Variants in TTLL5 observed in about 807,000 individuals in gnomAD.
TTLL5 encodes the protein tubulin polyglutamylase TTLL5.
Under a neutral mutation model 168.4 loss-of-function variants are expected in TTLL5, and 132 were observed. The observed-to-expected ratio is 0.78, with a 90% CI of 0.68 to 0.91. The LOEUF (loss-of-function observed/expected upper bound fraction) is 0.91, where lower values mean the gene tolerates loss of function less well. TTLL5 is among the 40% of genes least tolerant of loss of function. The pLI, the probability that TTLL5 is intolerant of heterozygous loss-of-function variation, is 0.00. For synonymous variants in TTLL5, 546 were observed against 558.6 expected (o/e 0.98, Z 0.32); for missense variants, 1,545 against 1,581.5 (o/e 0.98, Z 0.39).
intron 28 of TTLL5, among the ~76,000 whole-genome samples, chr14:75,855,575 C>T (rs2139908867): frequency 6.6e-6 from 1 of 152,314 alleles, no homozygotes; most frequent in African/African-American, 2.4e-5. Context: ...AGGATAACCA[C>T]ATCTGCTGTA....
intron 17 of TTLL5, among the ~76,000 whole-genome samples, chr14:75,750,585 A>T (rs1180418129): frequency 5.3e-5 from 8 of 151,944 alleles, no homozygotes; most frequent in African/African-American, 1.9e-4. Context: ...GTGTTAATCC[A>T]CTTTTTGTGT....
intron 3 of TTLL5, among the ~76,000 whole-genome samples, chr14:75,680,615 ATTTTTTTTT>A (rs35254410): frequency 0.018 from 1,837 of 102,016 alleles, 19 homozygotes; most frequent in South Asian, 0.046. Context: ...TAGAGCAGGG[ATTTTTTTTT>A]TTTTTTTTTT....
At chr14:75,848,281 T>C (rs1896662789) in intron 28 of TTLL5, among the ~76,000 whole-genome samples, 1 of 152,038 alleles carries the variant, frequency 6.6e-6, no homozygotes, top group African/African-American at 2.4e-5. Context: ...AAGCTGTTTA[T>C]GTGCACTAGG....
At chr14:75,669,823 A>G (rs1266502725) in intron 3 of TTLL5, among the ~76,000 whole-genome samples, 1 of 152,110 alleles carries the variant, frequency 6.6e-6, no homozygotes, top group African/African-American at 2.4e-5. Context: ...TAGTACATTC[A>G]CAATGTTGTG....
At chr14:75,753,017 C>A in intron 18 of TTLL5, 62 bp downstream of exon 18, 1 of 1,501,482 alleles carries the variant, frequency 6.7e-7, no homozygotes, top group Non-Finnish European at 9.2e-7. Context: ...AAGTACATGT[C>A]AAAGAAGGAA....
chr14:75,675,907 C>T (rs1353610570), intron 3 of TTLL5, among the ~76,000 whole-genome samples: 1 of 152,020 alleles, frequency 6.6e-6, no homozygotes, highest in African/African-American at 2.4e-5. Flanking sequence ...CTAAAAAGTC[C>T]CATTATCTAC....
intron 26 of TTLL5, among the ~76,000 whole-genome samples, chr14:75,790,052 T>C (rs1426944978): frequency 2.0e-5 from 3 of 152,078 alleles, no homozygotes; most frequent in Admixed American, 6.5e-5. Context: ...CACAAGAAGA[T>C]GGAAATTTCA....
chr14:75,806,589 G>A (rs1041148318), intron 27 of TTLL5, among the ~76,000 whole-genome samples: 5 of 152,280 alleles, frequency 3.3e-5, no homozygotes, highest in African/African-American at 1.2e-4. Context: ...CAGTTGCCAT[G>A]TCTAATCTGG....
chr14:75,773,956 AAAGAGAGAG>A (rs1891535045), intron 21 of TTLL5, among the ~76,000 whole-genome samples: 7 of 48,850 alleles, frequency 1.4e-4, no homozygotes, highest in African/African-American at 4.5e-4. Flanking sequence ...AGAGAGAGAG[AAAGAGAGAG>A]AGAGAGAGAG....
chr14:75,954,322 C>A, intron 31 of TTLL5, 102 bp from the exon 32 acceptor site: 2 of 1,164,514 alleles, frequency 1.7e-6, no homozygotes, highest in Non-Finnish European at 2.5e-6. Flanking sequence ...GCCACCACTT[C>A]TTTATTCTTC....
intron 30 of TTLL5, among the ~76,000 whole-genome samples, chr14:75,883,831 G>T (rs780747463): frequency 6.6e-6 from 1 of 152,194 alleles, no homozygotes; most frequent in Non-Finnish European, 1.5e-5. Flanking sequence ...GGAGTAGTAG[G>T]AAAGGGCAGT....
At chr14:75,733,280 C>G (rs919488949) in intron 13 of TTLL5, among the ~76,000 whole-genome samples, 2 of 152,070 alleles carry the variant, frequency 1.3e-5, no homozygotes, top group African/African-American at 2.4e-5. Flanking sequence ...TGAGAAATCC[C>G]CAGAACGAGG....
At chr14:75,729,805 G>A (rs1888417292) in intron 12 of TTLL5, among the ~76,000 whole-genome samples, 3 of 152,138 alleles carry the variant, frequency 2.0e-5, no homozygotes. Context: ...ATTTAGCTTT[G>A]TGAAGGATGT....
At chr14:75,836,631 C>T (rs1271710241) in intron 28 of TTLL5, among the ~76,000 whole-genome samples, 2 of 152,138 alleles carry the variant, frequency 1.3e-5, no homozygotes, top group Non-Finnish European at 2.9e-5. Context: ...GATTATTACA[C>T]ATTGCATGCC....
chr14:75,899,630 T>G (rs2032830058), intron 30 of TTLL5, among the ~76,000 whole-genome samples: 1 of 152,118 alleles, frequency 6.6e-6, no homozygotes, highest in South Asian at 2.1e-4. Context: ...GTGTTCAAAT[T>G]CTGAATCTGT....
intron 30 of TTLL5, among the ~76,000 whole-genome samples, chr14:75,898,105 T>C (rs1334621984): frequency 6.6e-6 from 1 of 152,260 alleles, no homozygotes; most frequent in African/African-American, 2.4e-5. Context: ...CACTTCTTTA[T>C]ATTCTGGTGT....
chr14:75,804,167 T>G (rs772746348), intron 27 of TTLL5, among the ~76,000 whole-genome samples: 1 of 152,166 alleles, frequency 6.6e-6, no homozygotes, highest in Non-Finnish European at 1.5e-5. Flanking sequence ...CATTTTTCAT[T>G]TAGATGGAGA....
intron 31 of TTLL5, chr14:75,904,196 C>T: frequency 8.5e-7 from 1 of 1,183,412 alleles, no homozygotes; most frequent in South Asian, 1.6e-5. Flanking sequence ...ATTCACCTCA[C>T]TCCTCCAAAA....
intron 17 of TTLL5, among the ~76,000 whole-genome samples, chr14:75,749,158 A>G (rs113647296): frequency 1.1e-3 from 168 of 152,228 alleles, no homozygotes; most frequent in African/African-American, 3.8e-3. Flanking sequence ...TATCTTTTGA[A>G]ATGTTTTTTA....
Sources: allele counts gnomAD v4.1 joint callset (sites outside exome capture counted in the v4.1 genomes callset), GRCh38; gene constraint gnomAD v4.1.1; transcripts MANE v1.5; gene names NCBI Gene and HGNC (gene_info 2026-07-23, HGNC 2026-07-21).